Variants in ZNF276 observed in about 807,000 individuals in gnomAD.
ZNF276 encodes zinc finger protein 276.
In ZNF276, 59 loss-of-function variants were observed where a neutral mutation model predicts 63.9. The observed-to-expected ratio is 0.92, with a 90% CI of 0.75 to 1.15. ZNF276 has a LOEUF of 1.15. Among genes scored for constraint, ZNF276 ranks in the 50% most tolerant of loss-of-function variants. The pLI is 0.00. For missense variants in ZNF276, 1,084 were observed against 843.8 expected (o/e 1.28, Z -3.53); for synonymous variants, 496 against 348.4 (o/e 1.42, Z -4.72).
At chr16:89,733,241 C>G in intron 6 of ZNF276, 61 bp from the exon 7 acceptor site, 1 of 1,493,420 alleles carries the variant, frequency 6.7e-7, no homozygotes, top group Non-Finnish European at 9.3e-7. Flanking sequence ...GTTGGAGAGA[C>G]AAAAAACATT....
Position 89,733,993 on chromosome 16 carries a change from A to C in ZNF276, c.1429A>C (p.Met477Leu). The change falls in exon 9 of 11, where the codon ATG (methionine) becomes CTG (leucine). Residue 477 changes from methionine to leucine, a missense_variant. Transcript: ENST00000443381. ...CPHPGCNKVF[M>L]IDRYLQRHVK... ...CCACCCTGGCTGCAACAAGGTTTTCATGATCGACCGCTACCTGCAGCGCCA... is the reference window on the plus strand; with the variant it reads ...CCACCCTGGCTGCAACAAGGTTTTCCTGATCGACCGCTACCTGCAGCGCCA... 1 of 1,614,086 alleles carries C rather than the reference A, an allele frequency of 6.2e-7. No individual in the cohort carries two copies. The highest frequency in any genetic ancestry group is 8.5e-7 in the Non-Finnish European group (1 of 1,180,024).
chr16:89,722,936 G>C, intron 2 of ZNF276, 102 bp downstream of exon 2: 1 of 1,556,370 alleles, frequency 6.4e-7, no homozygotes, highest in Non-Finnish European at 8.7e-7. Context: ...CCTCTGGGTG[G>C]GGGGAATGGG....
chr16:89,720,753 C>T, upstream of ZNF276: 2 of 1,440,922 alleles, frequency 1.4e-6, no homozygotes, highest in Non-Finnish European at 1.8e-6. Flanking sequence ...CCGCCCCCGC[C>T]CCGCCTCACC....
chr16:89,739,819 C>G lies in ZNF276; in HGVS notation c.*1573C>G. ...ATTGGTCCTGGGGTTGACCAGTGAG[C>G]CAGTAAATTATCTTATTGCTTTAAA... is the stretch of plus-strand genomic sequence containing the variant. On this transcript the variant is annotated 3_prime_UTR_variant, in exon 11 of 11. Transcript: ENST00000443381. The G allele has an allele frequency of 6.8e-7, 1 of 1,467,922 alleles. No individual in the cohort carries two copies. The highest frequency in any genetic ancestry group is 9.0e-7 in the Non-Finnish European group (1 of 1,113,092). The allele number at this position is 1,467,922 out of a possible 1,614,324, so 90.9% of individuals were successfully genotyped here. A position where few individuals can be genotyped will look rare whatever the true frequency, so the allele number is the denominator to read the frequency against.
intron 6 of ZNF276, chr16:89,732,551 T>C (rs905574827): frequency 1.9e-5 from 3 of 161,100 alleles, no homozygotes; most frequent in African/African-American, 7.2e-5. Context: ...CTGATACCTC[T>C]AGTTGTGGGT....
intron 4 of ZNF276, among the ~76,000 whole-genome samples, chr16:89,725,822 T>C (rs952305674): frequency 1.3e-5 from 2 of 152,120 alleles, no homozygotes; most frequent in South Asian, 2.1e-4. Context: ...AGAAAACTTA[T>C]TTTAAGTAGA....
chr16:89,733,597 C>G (rs748802913), intron 8 of ZNF276, 40 bp downstream of exon 8: 1 of 1,606,096 alleles, frequency 6.2e-7, no homozygotes, highest in South Asian at 1.1e-5. Flanking sequence ...CGGCAGCTGT[C>G]AGTGTGAACC....
chr16:89,731,798 T>C (rs1297266411), intron 6 of ZNF276: 2 of 152,260 alleles, frequency 1.3e-5, no homozygotes, highest in Admixed American at 6.5e-5. Context: ...CTGGGTTTTG[T>C]GTATGGATTT....
In ZNF276 at chr16:89,740,714, C is replaced by G; in HGVS notation, c.*2468C>G. Reference sequence around the variant, plus strand: ...AAACACAAGGAGCTCCTGAGCTAGTCTGGAAACCCTGACTTGGAAGCTGGC... The same window carrying G: ...AAACACAAGGAGCTCCTGAGCTAGTGTGGAAACCCTGACTTGGAAGCTGGC... On this transcript the variant is annotated 3_prime_UTR_variant, in exon 11 of 11. Transcript: ENST00000443381. 9.3e-7 allele frequency: 1 copy of G among 1,080,684 alleles called. No homozygotes were observed. Among genetic ancestry groups the G allele is most frequent in the Non-Finnish European group, 1.4e-6 (1 of 707,778 alleles). 66.9% of individuals were successfully genotyped at this position (1,080,684 alleles called of 1,614,324 possible). A position where few individuals can be genotyped will look rare whatever the true frequency, so the allele number is the denominator to read the frequency against.
rs942826434 is a variant in ZNF276, at chr16:89,739,727, TG to T, written c.*1488del. 36 of 1,499,098 alleles carry T rather than the reference TG, an allele frequency of 2.4e-5. No individual in the cohort carries two copies. The highest frequency in any genetic ancestry group is 1.8e-4 in the African/African-American group (13 of 72,278). The allele number at this position is 1,499,098 out of a possible 1,614,324, so 92.9% of individuals were successfully genotyped here. A position where few individuals can be genotyped will look rare whatever the true frequency, so the allele number is the denominator to read the frequency against. On this transcript the variant is annotated 3_prime_UTR_variant, in exon 11 of 11. Transcript: ENST00000443381. ...GTACCTGTCAGCAGCTGGGAGAGGA[TG>T]GGGGGGTCGACCTCTTGCAGGAGGG...
upstream of ZNF276, chr16:89,720,827 G>A (rs760328986): frequency 3.5e-6 from 5 of 1,446,340 alleles, no homozygotes; most frequent in Admixed American, 7.5e-5. Context: ...GCTCTGCAGC[G>A]GCTTCACCGT....
Position 89,721,569 on chromosome 16 carries a change from C to T in ZNF276, c.-72C>T, listed in dbSNP as rs1402850223. ...CTCGCTTCCAGCGCGCCGAGCGGAG[C>T]CTAACGCCGGGTCCTCTAGGAACCT... is the stretch of plus-strand genomic sequence containing the variant. On this transcript the variant is annotated 5_prime_UTR_variant, in exon 1 of 11. Transcript: ENST00000443381. 6 of 1,401,460 alleles carry T rather than the reference C, an allele frequency of 4.3e-6. No individual in the cohort carries two copies. In the African/African-American group the frequency reaches 9.1e-5, roughly 21 times the overall value. 86.8% of individuals were successfully genotyped at this position (1,401,460 alleles called of 1,614,324 possible).
chr16:89,737,492 G>A lies in ZNF276; in HGVS notation c.1475-314G>A, dbSNP rs1398765896. On this transcript the variant is annotated intron_variant, in intron 9 of 10. Transcript: ENST00000443381. ...GCTGAGATCACGCCACCGCACTGCA[G>A]CCTGGGTAACAGAGCGAAACTCCAT... is the stretch of plus-strand genomic sequence containing the variant. 6 of 370,306 alleles carry A rather than the reference G, an allele frequency of 1.6e-5. No individual in the cohort carries two copies. The Admixed American group carries it at 2.6e-4, about 16-fold the overall frequency. 22.9% of individuals were successfully genotyped at this position (370,306 alleles called of 1,614,324 possible).
At position 89,739,474 on chromosome 16, in the gene ZNF276, G is replaced by A. The variant is rs1206285832; in HGVS notation, c.*1228G>A. 2 of 1,551,520 alleles carry A rather than the reference G, an allele frequency of 1.3e-6. No homozygotes were observed. Among genetic ancestry groups the A allele is most frequent in the South Asian group, 2.4e-5 (2 of 84,198 alleles). On this transcript the variant is annotated 3_prime_UTR_variant, in exon 11 of 11. Coordinates refer to ENST00000443381, the MANE Select transcript of ZNF276 (RefSeq NM_001113525.2). The stretch of plus-strand genomic sequence containing the variant: ...GCCCTGACCAGCCCTGTGGGTGGAG[G>A]TACCTGTAAAAAGCGAAAGGCAGCA...
chr16:89,723,302 T>C lies in ZNF276; in HGVS notation c.599T>C (p.Val200Ala). 6.2e-7 allele frequency: 1 copy of C among 1,612,958 alleles called. No homozygotes were observed. Among genetic ancestry groups the C allele is most frequent in the Admixed American group, 1.7e-5 (1 of 60,018 alleles). ...TSSPQCLHGL[V>A]GWVHGHAASC... ...AGCCCCCAGTGCCTGCACGGCTTGG[T>C]GGGGTGGGTGCATGGACATGCGGCC... The change falls in exon 4 of 11, where the codon GTG becomes GCG. Residue 200 changes from valine to alanine, a missense_variant. Transcript: ENST00000443381.
chr16:89,727,508 C>G (rs1567570711), intron 5 of ZNF276, 151 bp downstream of exon 5: 2 of 867,044 alleles, frequency 2.3e-6, no homozygotes, highest in South Asian at 1.7e-5. Flanking sequence ...TGCCCATGCG[C>G]TGGTACCAAA....
chr16:89,723,149 G>A lies in ZNF276; in HGVS notation c.522G>A (p.Gln174=). The change falls in exon 3 of 11, where the codon CAG becomes CAA. Residue 174 remains glutamine (Q), a synonymous_variant. Transcript: ENST00000443381. ...RRKPCAKVGA[Q]PPTGAEEGAC... Reference sequence around the variant, plus strand: ...TGATCCTTTGCAGGGTCGGTGCCCAGCCCCCAACAGGGGCAGAGGAGGGAG... The same window carrying A: ...TGATCCTTTGCAGGGTCGGTGCCCAACCCCCAACAGGGGCAGAGGAGGGAG... 1 of 1,613,238 alleles carries A rather than the reference G, an allele frequency of 6.2e-7. No individual in the cohort carries two copies. Among genetic ancestry groups the A allele is most frequent in the Non-Finnish European group, 8.5e-7 (1 of 1,180,040 alleles).
At chr16:89,729,134 G>C in intron 5 of ZNF276, 101 bp from the exon 6 acceptor site, 2 of 904,874 alleles carry the variant, frequency 2.2e-6, no homozygotes, top group Non-Finnish European at 3.5e-6. Context: ...ACTCAAATGT[G>C]GGACATGGGG....
upstream of ZNF276, chr16:89,721,241 C>T (rs1056934926): frequency 8.4e-4 from 186 of 222,082 alleles, no homozygotes; most frequent in African/African-American, 3.8e-3. Flanking sequence ...GTGGCCTCCG[C>T]CGGCGCCTGC....
Sources: gnomAD v4.1 joint callset for allele counts (sites outside exome capture counted in the v4.1 genomes callset) on GRCh38, gnomAD v4.1.1 for gene constraint, MANE v1.5 for transcripts, NCBI Gene and HGNC (gene_info 2026-07-23, HGNC 2026-07-21) for gene names.